EBF1: variants seen among roughly 807,000 people sequenced by gnomAD.
EBF1 encodes the protein transcription factor COE1.
EBF1 carries 10 observed loss-of-function variants against 68.4 expected under a neutral mutation model. The ratio of observed to expected loss-of-function variants is 0.15; its 90% confidence interval spans 0.09 to 0.25. The LOEUF is 0.25. EBF1 is among the 10% of genes least tolerant of loss of function. The pLI is 1.00. For missense variants in EBF1, 509 were observed against 794.4 expected (o/e 0.64, Z 4.32); for synonymous variants, 298 against 299.8 (o/e 0.99, Z 0.06).
chr5:158,869,796 G>A (rs1282780986), intron 6 of EBF1, among the ~76,000 whole-genome samples: 1 of 152,116 alleles, frequency 6.6e-6, no homozygotes. Context: ...ATTCTTTCAT[G>A]AAGATAATTG....
chr5:158,712,578 G>T (rs1410809732), intron 13 of EBF1, among the ~76,000 whole-genome samples: 1 of 152,124 alleles, frequency 6.6e-6, no homozygotes, highest in Non-Finnish European at 1.5e-5. Flanking sequence ...GCAATGCTGG[G>T]CCTATAAATT....
intron 6 of EBF1, among the ~76,000 whole-genome samples, chr5:159,015,380 A>G (rs1288621972): frequency 6.6e-6 from 1 of 152,204 alleles, no homozygotes; most frequent in African/African-American, 2.4e-5. Context: ...ACATCCAGCT[A>G]TACTTAAGGT....
intron 7 of EBF1, among the ~76,000 whole-genome samples, chr5:158,833,297 C>CAAA (rs56221213): frequency 7.4e-6 from 1 of 135,390 alleles, no homozygotes; most frequent in African/African-American, 2.8e-5. Flanking sequence ...GACTCCATCT[C>CAAA]AAAAAAAAAA....
At chr5:158,967,085 A>G (rs1476915484) in intron 6 of EBF1, among the ~76,000 whole-genome samples, 1 of 151,518 alleles carries the variant, frequency 6.6e-6, no homozygotes, top group East Asian at 1.9e-4. Flanking sequence ...TCAGGAAATA[A>G]GAGATTTGGG....
intron 1 of EBF1, among the ~76,000 whole-genome samples, chr5:159,097,883 G>T (rs1257424149): frequency 6.6e-6 from 1 of 152,318 alleles, no homozygotes; most frequent in African/African-American, 2.4e-5. Flanking sequence ...CGCCTGGGGC[G>T]CCAGGCGGCC....
At chr5:158,908,982 G>T (rs1352544018) in intron 6 of EBF1, among the ~76,000 whole-genome samples, 1 of 152,118 alleles carries the variant, frequency 6.6e-6, no homozygotes, top group African/African-American at 2.4e-5. Context: ...CCCTCCTGCC[G>T]TCTGTATTAT....
At chr5:158,733,082 T>A (rs1444773451) in intron 10 of EBF1, among the ~76,000 whole-genome samples, 1 of 152,186 alleles carries the variant, frequency 6.6e-6, no homozygotes, top group East Asian at 1.9e-4. Flanking sequence ...GCCATAGAAT[T>A]CTTTAGGCAG....
At chr5:158,818,229 G>C (rs773258054) in intron 8 of EBF1, among the ~76,000 whole-genome samples, 1 of 152,104 alleles carries the variant, frequency 6.6e-6, no homozygotes, top group Non-Finnish European at 1.5e-5. Flanking sequence ...GGCTCAATTT[G>C]AGGTAGTCTC....
At chr5:158,771,743 A>C (rs1773918547) in intron 10 of EBF1, among the ~76,000 whole-genome samples, 2 of 152,152 alleles carry the variant, frequency 1.3e-5, no homozygotes, top group Admixed American at 1.3e-4. Flanking sequence ...AGACTCTCCC[A>C]GTCAATCAAG....
chr5:158,961,328 G>GA (rs58123979), intron 6 of EBF1, among the ~76,000 whole-genome samples: 84,311 of 151,488 alleles, frequency 0.56, 24,133 homozygotes, highest in African/African-American at 0.61. Context: ...AAGCTTAAAG[G>GA]AAAAAAAAAT....
Position 158,890,810 on chromosome 5 carries a change from A to G in EBF1, c.555-50700T>C, listed in dbSNP as rs565765892. Reference sequence around the variant, plus strand: ...TGAAAGTGTAGGTTTTCTATTTAACATTTTAAAATAAAACTCAATCAGCTT... The same window carrying G: ...TGAAAGTGTAGGTTTTCTATTTAACGTTTTAAAATAAAACTCAATCAGCTT... On this transcript the variant is annotated intron_variant, in intron 6 of 15. Transcript: ENST00000313708. 3.9e-5 allele frequency among the ~76,000 whole-genome samples: 6 copies of G among 152,298 alleles called. No homozygotes were observed. The East Asian group carries it at 1.2e-3, about 29-fold the overall frequency.
rs149347693 is a variant in EBF1 at position 158,741,217 on chromosome 5, CT to C, written c.1037-10061del. ...ATTCCATATTGGTTTTCACGTGGCA[CT>C]TTTTTTTGTAACCACAGTAAATGCT... On this transcript the variant is annotated intron_variant, in intron 10 of 15. Coordinates refer to ENST00000313708, the MANE Select transcript of EBF1 (RefSeq NM_024007.5). Among the ~76,000 whole-genome samples the C allele has an allele frequency of 3.1e-4, 47 of 152,036 alleles. No individual in the cohort carries two copies. In the East Asian group the frequency reaches 8.7e-3, roughly 28 times the overall value.
chr5:158,736,881 G>A (rs1197559254), intron 10 of EBF1, among the ~76,000 whole-genome samples: 1 of 152,180 alleles, frequency 6.6e-6, no homozygotes, highest in Admixed American at 6.5e-5. Context: ...AAATCAGCCA[G>A]AAACCTGAAC....
At chr5:158,825,455 T>A (rs1785866868) in intron 7 of EBF1, among the ~76,000 whole-genome samples, 1 of 148,204 alleles carries the variant, frequency 6.7e-6, no homozygotes, top group Non-Finnish European at 1.5e-5. Flanking sequence ...TGTCAGGAAA[T>A]ACAGAAAGTG....
chr5:159,020,486 C>T (rs139833872), intron 6 of EBF1, among the ~76,000 whole-genome samples: 2 of 152,294 alleles, frequency 1.3e-5, no homozygotes, highest in African/African-American at 4.8e-5. Context: ...CACCCTCAAT[C>T]GAGCGATGCG....
At chr5:158,872,350 C>A (rs543155735) in intron 6 of EBF1, among the ~76,000 whole-genome samples, 1 of 152,224 alleles carries the variant, frequency 6.6e-6, no homozygotes, top group African/African-American at 2.4e-5. Context: ...GTATGCACCA[C>A]TATGCCCAGC....
intron 6 of EBF1, among the ~76,000 whole-genome samples, chr5:158,861,167 G>T (rs1013852653): frequency 6.6e-6 from 1 of 151,940 alleles, no homozygotes. Context: ...CTAAGAACCC[G>T]CATTATCAAG....
intron 10 of EBF1, among the ~76,000 whole-genome samples, chr5:158,749,377 G>A (rs1169949021): frequency 6.6e-6 from 1 of 152,030 alleles, no homozygotes. Context: ...CTTTTGCTTT[G>A]GAAATAAACT....
chr5:158,953,899 C>T (rs113065024), intron 6 of EBF1, among the ~76,000 whole-genome samples: 1 of 152,268 alleles, frequency 6.6e-6, no homozygotes, highest in African/African-American at 2.4e-5. Context: ...AAATAAAAGG[C>T]TACCTTCCAT....
Sources: allele counts gnomAD v4.1 joint callset (sites outside exome capture counted in the v4.1 genomes callset), GRCh38; gene constraint gnomAD v4.1.1; transcripts MANE v1.5; gene names NCBI Gene and HGNC (gene_info 2026-07-23, HGNC 2026-07-21).